PTPRO: variants seen among roughly 807,000 people sequenced by gnomAD.
PTPRO encodes receptor-type tyrosine-protein phosphatase O.
A neutral mutation model predicts 145.2 loss-of-function variants in PTPRO; 62 were observed. The ratio of observed to expected loss-of-function variants is 0.43; its 90% confidence interval spans 0.35 to 0.53. The LOEUF (loss-of-function observed/expected upper bound fraction) is 0.53. Ranked by LOEUF, PTPRO falls within the 20% of genes least tolerant of loss-of-function variation. The pLI is 0.01. For synonymous variants in PTPRO, 565 were observed against 514.7 expected (o/e 1.10, Z -1.32); for missense variants, 1,345 against 1,482.7 (o/e 0.91, Z 1.53).
At chr12:15,548,996 T>C (rs1943378687) in intron 13 of PTPRO, 98 bp from the exon 14 acceptor site, 1 of 1,323,976 alleles carries the variant, frequency 7.6e-7, no homozygotes, top group Admixed American at 1.7e-5. Flanking sequence ...TATACATTTT[T>C]TACTCTGTCA....
chr12:15,595,456 G>A (rs184385279), intron 26 of PTPRO: 33 of 237,506 alleles, frequency 1.4e-4, no homozygotes, highest in Admixed American at 1.2e-3. Context: ...AAAAAGACAT[G>A]AGCTGGATTG....
rs955077124 is a variant in PTPRO, at chr12:15,481,058, G to A, written c.76-2916G>A. On this transcript the variant is annotated intron_variant, in intron 1 of 26. Transcript: ENST00000281171. ...AGAAAGAAAAGAGTAATGGATAAGGGAAGGAGCTAGTATTTGTTAAGCTCC... is the reference window on the plus strand; with the variant it reads ...AGAAAGAAAAGAGTAATGGATAAGGAAAGGAGCTAGTATTTGTTAAGCTCC... 5.3e-5 allele frequency among the ~76,000 whole-genome samples: 8 copies of A among 152,178 alleles called. 1 individual carries two copies. Among genetic ancestry groups the A allele is most frequent in the African/African-American group, 1.9e-4 (8 of 41,448 alleles).
In PTPRO at chr12:15,384,765, T is replaced by C. The variant is rs114306607; in HGVS notation, c.75+61964T>C. Reference sequence around the variant, plus strand: ...AGAAATGTTAATACAATAAAGAATTTGAGTGGTTTAAAACCTTTTTATTTT... The same window carrying C: ...AGAAATGTTAATACAATAAAGAATTCGAGTGGTTTAAAACCTTTTTATTTT... On this transcript the variant is annotated intron_variant, in intron 1 of 26. Transcript: ENST00000281171. Among the ~76,000 whole-genome samples, 594 of 152,292 alleles carry C rather than the reference T, an allele frequency of 3.9e-3. 6 individuals are homozygous for C. Among genetic ancestry groups the C allele is most frequent in the African/African-American group, 0.014 (580 of 41,566 alleles).
chr12:15,546,247 G>A (rs1274323327), intron 12 of PTPRO: 1 of 905,770 alleles, frequency 1.1e-6, no homozygotes, highest in Non-Finnish European at 1.4e-6. Flanking sequence ...AGGAAGTTCT[G>A]TATTATCAGG....
intron 2 of PTPRO, among the ~76,000 whole-genome samples, chr12:15,495,918 A>T (rs1372297762): frequency 6.6e-6 from 1 of 152,078 alleles, no homozygotes; most frequent in Non-Finnish European, 1.5e-5. Flanking sequence ...AAAGGGGGGA[A>T]GTTAATCTAC....
At chr12:15,404,437 C>T (rs1271360728) in intron 1 of PTPRO, among the ~76,000 whole-genome samples, 1 of 152,092 alleles carries the variant, frequency 6.6e-6, no homozygotes, top group Non-Finnish European at 1.5e-5. Flanking sequence ...ACATACTGTA[C>T]TTTGCCTAGT....
intron 12 of PTPRO, among the ~76,000 whole-genome samples, chr12:15,530,818 C>A (rs1942946519): frequency 6.6e-6 from 1 of 151,674 alleles, no homozygotes; most frequent in Admixed American, 6.6e-5. Context: ...CCTCAAGGAA[C>A]TAGAAAAGCA....
intron 12 of PTPRO, among the ~76,000 whole-genome samples, chr12:15,529,844 A>C (rs1379375217): frequency 1.3e-5 from 2 of 152,226 alleles, no homozygotes; most frequent in African/African-American, 2.4e-5. Flanking sequence ...AACAGGCAAC[A>C]AAACGGCAGT....
intron 1 of PTPRO, among the ~76,000 whole-genome samples, chr12:15,369,438 T>A (rs55677359): frequency 0.02 from 3,110 of 152,278 alleles, 59 homozygotes; most frequent in South Asian, 0.035. Flanking sequence ...ACCTTCTCAG[T>A]CATATCGTCA....
At chr12:15,326,167 A>C (rs1866441153) in intron 1 of PTPRO, among the ~76,000 whole-genome samples, 1 of 152,138 alleles carries the variant, frequency 6.6e-6, no homozygotes, top group Admixed American at 6.5e-5. Context: ...TTCGTGGTTG[A>C]GGTTTCATCC....
intron 1 of PTPRO, among the ~76,000 whole-genome samples, chr12:15,345,109 T>C (rs1867152961): frequency 6.6e-6 from 1 of 152,214 alleles, no homozygotes; most frequent in Admixed American, 6.5e-5. Context: ...TTTTTTCCTC[T>C]CCTTTTCCAT....
chr12:15,322,878 G>A lies in PTPRO; in HGVS notation c.75+77G>A, dbSNP rs1866340660. 4.1e-6 allele frequency: 6 copies of A among 1,463,188 alleles called. No homozygotes were observed. The South Asian group carries it at 4.8e-5, about 12-fold the overall frequency. 90.6% of individuals were successfully genotyped at this position (1,463,188 alleles called of 1,614,324 possible). On this transcript the variant is annotated intron_variant, in intron 1 of 26. Transcript: ENST00000281171. This position sits in a 1 kb window ranked among gnomAD's most constrained non-coding sequence, Gnocchi z 6.3. ...CTCCGGCGCCCTCGCTCTGCCGTTG[G>A]GAGCGGCGCGCCCCAGGGCACGATG...
chr12:15,440,219 C>A, intron 1 of PTPRO: 2 of 657,854 alleles, frequency 3.0e-6, no homozygotes, highest in South Asian at 1.7e-5. Context: ...CACTGCCACC[C>A]TGGGCAACTT....
chr12:15,407,416 T>C (rs1939678169), intron 1 of PTPRO, among the ~76,000 whole-genome samples: 1 of 152,046 alleles, frequency 6.6e-6, no homozygotes. Context: ...CCGTAAAACC[T>C]AGTGCAGTGT....
chr12:15,418,162 C>T (rs576016527), intron 1 of PTPRO, among the ~76,000 whole-genome samples: 119 of 151,782 alleles, frequency 7.8e-4, no homozygotes, highest in Non-Finnish European at 1.6e-3. Flanking sequence ...AGCTTGTTAC[C>T]TCCTTGTGGA....
chr12:15,503,500 G>A (rs1942260912), intron 5 of PTPRO, among the ~76,000 whole-genome samples: 1 of 152,034 alleles, frequency 6.6e-6, no homozygotes, highest in Non-Finnish European at 1.5e-5. Flanking sequence ...ACTTCTGGAT[G>A]GTTAATACTA....
At chr12:15,442,524 G>A (rs1940796281) in intron 1 of PTPRO, among the ~76,000 whole-genome samples, 1 of 152,014 alleles carries the variant, frequency 6.6e-6, no homozygotes, top group East Asian at 1.9e-4. Context: ...AGAAATAAAA[G>A]GCAACCAAAT....
intron 1 of PTPRO, among the ~76,000 whole-genome samples, chr12:15,460,253 C>G (rs1422781386): frequency 6.6e-6 from 1 of 152,182 alleles, no homozygotes; most frequent in East Asian, 1.9e-4. Flanking sequence ...CAGCATGTGT[C>G]TTGTGGATCA....
intron 25 of PTPRO, among the ~76,000 whole-genome samples, chr12:15,592,385 C>T (rs189751501): frequency 3.1e-4 from 47 of 152,294 alleles, no homozygotes; most frequent in Non-Finnish European, 1.6e-4. Context: ...ATATAATCAA[C>T]CCACATAGAC....
Sources: gnomAD v4.1 joint callset for allele counts (sites outside exome capture counted in the v4.1 genomes callset) on GRCh38, gnomAD v4.1.1 for gene constraint, Gnocchi (gnomAD v3.1) non-coding constraint, MANE v1.5 for transcripts, NCBI Gene and HGNC (gene_info 2026-07-23, HGNC 2026-07-21) for gene names.